PNLIP: variants seen among roughly 807,000 people sequenced by gnomAD.
PNLIP encodes the protein pancreatic triacylglycerol lipase.
PNLIP carries 49 observed loss-of-function variants against 57.1 expected under a neutral mutation model. That is an observed-to-expected ratio of 0.86 (90% CI 0.68 to 1.09). PNLIP has a LOEUF of 1.09. PNLIP is among the 50% of genes least tolerant of loss of function. The probability of loss-of-function intolerance (pLI) is 0.00; values close to 1 mark genes in which losing one functional copy is unlikely to be tolerated. For synonymous variants in PNLIP, 209 were observed against 200.4 expected (o/e 1.04, Z -0.36); for missense variants, 503 against 570.2 (o/e 0.88, Z 1.20).
chr10:116,547,202 C>A, intron 2 of PNLIP, 92 bp from the exon 3 acceptor site: 1 of 1,243,622 alleles, frequency 8.0e-7, no homozygotes, highest in South Asian at 1.2e-5. Context: ...GGAGGAAAGT[C>A]TACCACACAG....
At chr10:116,547,250 A>C in intron 2 of PNLIP, 44 bp from the exon 3 acceptor site, 1 of 1,596,368 alleles carries the variant, frequency 6.3e-7, no homozygotes, top group Non-Finnish European at 8.6e-7. Flanking sequence ...AGATCATTAA[A>C]AAGAGCATGT....
chr10:116,563,433 T>C (rs1335378106), intron 12 of PNLIP, among the ~76,000 whole-genome samples: 3 of 152,164 alleles, frequency 2.0e-5, no homozygotes, highest in Non-Finnish European at 4.4e-5. Context: ...GTACAGGTGG[T>C]ATTTGGTTAC....
Position 116,548,087 on chromosome 10 carries a change from A to T in PNLIP, c.202-273A>T, listed in dbSNP as rs76763664. On this transcript the variant is annotated intron_variant, in intron 3 of 12. Transcript: ENST00000369221. ...TAAAAATACACACACGCACACACAC[A>T]CACACAAAGCCTTCCATTGTATGAA... Among the ~76,000 whole-genome samples the T allele has an allele frequency of 5.3e-5, 8 of 152,212 alleles. No individual in the cohort carries two copies. In the East Asian group the frequency reaches 1.5e-3, roughly 29 times the overall value.
intron 4 of PNLIP, 142 bp from the exon 5 acceptor site, chr10:116,550,956 C>T: frequency 1.7e-6 from 1 of 593,904 alleles, no homozygotes. Context: ...CTATAACAGA[C>T]TAAAAGTTTT....
At chr10:116,555,028 T>C (rs1847237239) in intron 6 of PNLIP, 150 bp from the exon 7 acceptor site, 1 of 864,512 alleles carries the variant, frequency 1.2e-6, no homozygotes, top group Non-Finnish European at 1.8e-6. Context: ...AAATTCACTT[T>C]AAAGCAAATA....
rs1161487380 is a variant in PNLIP at position 116,567,791 on chromosome 10, C to T, written c.1391C>T (p.Pro464Leu). Residue 464 changes from proline (P) to leucine (L), a missense_variant, in exon 13 of 13, where the codon CCG becomes CTG. By Grantham distance (98) the Pro-to-Leu change is moderately conservative (BLOSUM62 -3). Transcript: ENST00000369221. Reference sequence around the variant, plus strand: ...GAGGAAGTTCTGCTCACCCTCACACCGTGTTAGGAGACTACTGTTATTTGA... The same window carrying T: ...GAGGAAGTTCTGCTCACCCTCACACTGTGTTAGGAGACTACTGTTATTTGA... ...VREEVLLTLT[P>L]C 3.1e-6 allele frequency: 5 copies of T among 1,611,554 alleles called. No individual in the cohort carries two copies. Among genetic ancestry groups the T allele is most frequent in the Admixed American group, 1.7e-5 (1 of 60,026 alleles).
intron 10 of PNLIP, 110 bp downstream of exon 10, chr10:116,559,393 T>A: frequency 1.3e-6 from 1 of 781,392 alleles, no homozygotes; most frequent in Non-Finnish European, 2.0e-6. Context: ...AAACACCCCC[T>A]CTGCAAGGTG....
At chr10:116,560,309 A>ACACAC in intron 10 of PNLIP, 107 bp from the exon 11 acceptor site, 2 of 609,460 alleles carry the variant, frequency 3.3e-6, no homozygotes, top group African/African-American at 1.9e-5. Flanking sequence ...ACACACACAC[A>ACACAC]ATTATAAATA....
At position 116,559,194 on chromosome 10, in the gene PNLIP, TGG is replaced by T; in HGVS notation, c.973_974del (p.Gly325SerfsTer4). 1.2e-6 allele frequency: 2 copies of T among 1,613,924 alleles called. No individual in the cohort carries two copies. Among genetic ancestry groups the T allele is most frequent in the African/African-American group, 2.7e-5 (2 of 75,062 alleles). ...TGTCCAAGTGGAGGCTGCCCACAGA[TGG>T]GTCACTATGCTGATAGATATCCTGG... is the stretch of plus-strand genomic sequence containing the variant. On this transcript the variant is annotated frameshift_variant, in exon 10 of 13. Coordinates refer to ENST00000369221, the MANE Select transcript of PNLIP (RefSeq NM_000936.4). LOFTEE classifies it high-confidence loss of function.
intron 12 of PNLIP, among the ~76,000 whole-genome samples, chr10:116,564,529 C>A (rs1564728233): frequency 6.6e-6 from 1 of 152,008 alleles, no homozygotes; most frequent in Non-Finnish European, 1.5e-5. Flanking sequence ...CAAAGGAAGG[C>A]CTTCAGGCAG....
At chr10:116,553,216 C>A (rs1177283961) in intron 5 of PNLIP, among the ~76,000 whole-genome samples, 1 of 152,204 alleles carries the variant, frequency 6.6e-6, no homozygotes, top group Non-Finnish European at 1.5e-5. Context: ...AGTGATTCTC[C>A]CACCTTAGCC....
chr10:116,556,274 C>T (rs1847253068), intron 9 of PNLIP, among the ~76,000 whole-genome samples, 156 bp downstream of exon 9: 1 of 152,166 alleles, frequency 6.6e-6, no homozygotes, highest in East Asian at 1.9e-4. Context: ...TAAATTAGAG[C>T]ACTTTAGAGA....
chr10:116,560,852 A>G (rs1449273325), intron 11 of PNLIP, among the ~76,000 whole-genome samples: 1 of 152,182 alleles, frequency 6.6e-6, no homozygotes, highest in African/African-American at 2.4e-5. Context: ...TGCTGGGATT[A>G]CAGGCATGAG....
At chr10:116,548,317 C>A in intron 3 of PNLIP, 43 bp from the exon 4 acceptor site, 1 of 1,604,452 alleles carries the variant, frequency 6.2e-7, no homozygotes, top group Non-Finnish European at 8.5e-7. Flanking sequence ...GTTCTATTGG[C>A]TACTATAGGA....
At chr10:116,566,732 C>T (rs1847371316) in intron 12 of PNLIP, among the ~76,000 whole-genome samples, 1 of 152,128 alleles carries the variant, frequency 6.6e-6, no homozygotes, top group Non-Finnish European at 1.5e-5. Context: ...ATTCAGTTCA[C>T]CTTTAATCAT....
At chr10:116,551,434 G>GT (rs1215163866) in intron 5 of PNLIP, 11 of 375,866 alleles carry the variant, frequency 2.9e-5, no homozygotes, top group African/African-American at 1.3e-4. Context: ...TAATAAACTA[G>GT]TTTTTTTAAG....
chr10:116,556,128 C>T lies in PNLIP; in HGVS notation c.930+10C>T. 1 of 1,469,198 alleles carries T rather than the reference C, an allele frequency of 6.8e-7. No individual in the cohort carries two copies. The allele number at this position is 1,469,198 out of a possible 1,614,324, so 91.0% of individuals were successfully genotyped here. On this transcript the variant is annotated intron_variant, in intron 9 of 12. Coordinates refer to ENST00000369221, the MANE Select transcript of PNLIP (RefSeq NM_000936.4). ...CAACGTCTTCACTGCAGTAAGTAGA[C>T]TCCACCTTCCGCATAAAGAATTTTG... is the stretch of plus-strand genomic sequence containing the variant.
chr10:116,556,858 T>C (rs1244528895), intron 9 of PNLIP, among the ~76,000 whole-genome samples: 2 of 152,162 alleles, frequency 1.3e-5, no homozygotes, highest in African/African-American at 2.4e-5. Flanking sequence ...TTACCCAGGA[T>C]ATATACCTTA....
intron 9 of PNLIP, 35 bp downstream of exon 9, chr10:116,556,153 G>A: frequency 1.7e-6 from 2 of 1,202,322 alleles, no homozygotes; most frequent in Non-Finnish European, 2.5e-6. Context: ...AAAGAATTTT[G>A]TGACTGTCAC....
Sources: allele counts gnomAD v4.1 joint callset (sites outside exome capture counted in the v4.1 genomes callset), GRCh38; gene constraint gnomAD v4.1.1; transcripts MANE v1.5; gene names NCBI Gene and HGNC (gene_info 2026-07-23, HGNC 2026-07-21).